The following ITSN2 variants were observed in gnomAD, a reference collection of about 807,000 sequenced individuals.
The protein encoded by ITSN2 is intersectin-2.
ITSN2 carries 156 observed loss-of-function variants against 243.7 expected under a neutral mutation model. The ratio of observed to expected loss-of-function variants is 0.64; its 90% CI spans 0.56 to 0.73. The LOEUF is 0.73. Among genes scored for constraint, ITSN2 ranks in the 30% least tolerant of loss-of-function variants. ITSN2 has a pLI of 0.00. For synonymous variants in ITSN2, 703 were observed against 699.9 expected, an observed-to-expected ratio of 1.00 and a Z score of -0.07; for missense variants, 1,801 against 1,996.1, an observed-to-expected ratio of 0.90 and a Z score of 1.86.
At position 24,257,971 on chromosome 2, in the gene ITSN2, C is replaced by A. The variant is rs376802389; in HGVS notation, c.2805G>T (p.Trp935Cys). The A allele has an allele frequency of 1.9e-6, 3 of 1,613,980 alleles. No individual in the cohort carries two copies. The highest frequency in any genetic ancestry group is 2.5e-6 in the Non-Finnish European group (3 of 1,179,998). The stretch of plus-strand genomic sequence containing the variant: ...CTCTTCCTCCATGCACCTCCCCAAA[C>A]CACCAATTTTCTTGCTGCTCCAAGA... ...ITVLEQQENW[W>C]FGEVHGGRGW... Residue 935 changes from tryptophan to cysteine, a missense_variant, in exon 23 of 40, where the codon TGG (tryptophan) becomes TGT (cysteine). By Grantham distance (215) the Trp-to-Cys change is radical. This residue lies in a region of ITSN2 where 928 missense variants were observed against 1,065.4 expected (regional missense o/e 0.87). Coordinates refer to ENST00000355123, the MANE Select transcript of ITSN2 (RefSeq NM_006277.3).
intron 27 of ITSN2, among the ~76,000 whole-genome samples, chr2:24,248,062 T>C (rs928278438): frequency 1.3e-5 from 2 of 152,276 alleles, no homozygotes; most frequent in Admixed American, 1.3e-4. Flanking sequence ...ATCCCTAAAA[T>C]GCTTTTTAGT....
chr2:24,230,768 C>CA (rs974557627), intron 29 of ITSN2, among the ~76,000 whole-genome samples: 3 of 151,226 alleles, frequency 2.0e-5, no homozygotes, highest in South Asian at 2.1e-4. Flanking sequence ...AACTCCATCT[C>CA]AAAAAAAAGA....
chr2:24,315,107 A>C, intron 3 of ITSN2, 25 bp downstream of exon 3: 1 of 1,294,370 alleles, frequency 7.7e-7, no homozygotes, highest in Non-Finnish European at 1.1e-6. Context: ...ATAATTCACT[A>C]ATAAAACTAA....
Position 24,204,139 on chromosome 2 carries a change from C to T in ITSN2, c.4936+106G>A, listed in dbSNP as rs951163717. The T allele has an allele frequency of 2.6e-6, 3 of 1,139,332 alleles. No individual in the cohort carries two copies. The highest frequency in any genetic ancestry group is 1.5e-5 in the African/African-American group (1 of 64,584). 70.6% of individuals were successfully genotyped at this position (1,139,332 alleles called of 1,614,324 possible). A position where few individuals can be genotyped will look rare whatever the true frequency, so the allele number is the denominator to read the frequency against. On this transcript the variant is annotated intron_variant, in intron 39 of 39. Coordinates refer to ENST00000355123, the MANE Select transcript of ITSN2 (RefSeq NM_006277.3). The surrounding 1 kb of genome is among the most constrained non-coding windows in gnomAD (Gnocchi z 5.1). Reference sequence around the variant, plus strand: ...GAGATGACACAGGCCTGTGTCACTTCCCTGAAGTGGCATGGGGTCTGCACA... The same window carrying T: ...GAGATGACACAGGCCTGTGTCACTTTCCTGAAGTGGCATGGGGTCTGCACA...
intron 20 of ITSN2, among the ~76,000 whole-genome samples, chr2:24,264,697 T>C (rs960946319): frequency 4.0e-5 from 2 of 49,970 alleles, no homozygotes; most frequent in Non-Finnish European, 9.4e-5. Context: ...CTGTTGTTTA[T>C]ACACACACAC....
chr2:24,212,654 C>A lies in ITSN2; in HGVS notation c.4085G>T (p.Arg1362Ile). The part of the protein sequence containing the change: ...QRITRYPLLI[R>I]SILENTPESH... ...CTGCCCGGCCTGCACACTCACACTT[C>A]TGATGAGCAGTGGGTAGCGGGTGAT... Residue 1362 changes from arginine to isoleucine, a missense_variant, in exon 33 of 40, where the codon AGA (arginine) becomes ATA (isoleucine). Transcript: ENST00000355123. 6.2e-7 allele frequency: 1 copy of A among 1,608,578 alleles called. No homozygotes were observed. The highest frequency in any genetic ancestry group is 8.5e-7 in the Non-Finnish European group (1 of 1,177,246).
chr2:24,317,017 T>C (rs1684006965), intron 2 of ITSN2, among the ~76,000 whole-genome samples: 1 of 152,216 alleles, frequency 6.6e-6, no homozygotes, highest in Non-Finnish European at 1.5e-5. Context: ...AAAGCCTTGT[T>C]TGTCAAATAG....
rs76261458 is a variant in ITSN2 at position 24,288,154 on chromosome 2, G to A, written c.1724-1803C>T. ...CAATGTTTTCTTCTAGGAGTTTTAC[G>A]GTTTCATGTCTTATGTTTAATCCAT... On this transcript the variant is annotated intron_variant, in intron 15 of 39. Transcript: ENST00000355123. Among the ~76,000 whole-genome samples, 429 of 152,094 alleles carry A rather than the reference G, an allele frequency of 2.8e-3. 3 individuals carry two copies. The highest frequency in any genetic ancestry group is 9.9e-3 in the African/African-American group (412 of 41,524).
chr2:24,220,434 T>A (rs1387736905), intron 30 of ITSN2: 1 of 986,664 alleles, frequency 1.0e-6, no homozygotes, highest in African/African-American at 1.7e-5. Flanking sequence ...AAACAGTAGC[T>A]ATATGATATT....
At chr2:24,340,734 C>G (rs190152527) in intron 1 of ITSN2, among the ~76,000 whole-genome samples, 9 of 151,558 alleles carry the variant, frequency 5.9e-5, no homozygotes, top group African/African-American at 2.2e-4. Flanking sequence ...ATCCTGTGTT[C>G]TCAAAAAAGG....
intron 30 of ITSN2, 102 bp downstream of exon 30, chr2:24,220,843 C>T (rs1573899537): frequency 6.8e-7 from 1 of 1,469,810 alleles, no homozygotes; most frequent in African/African-American, 1.5e-5. Context: ...AAAGTGATGC[C>T]TTGCTTTGAC....
At chr2:24,314,744 A>G (rs914914936) in intron 3 of ITSN2, among the ~76,000 whole-genome samples, 3 of 152,224 alleles carry the variant, frequency 2.0e-5, no homozygotes, top group African/African-American at 7.2e-5. Context: ...ATCAACAATC[A>G]GTGCTTGGTG....
intron 29 of ITSN2, among the ~76,000 whole-genome samples, chr2:24,232,439 C>T (rs996370025): frequency 1.3e-5 from 2 of 152,172 alleles, no homozygotes; most frequent in Admixed American, 1.3e-4. Context: ...AAAGCGCAGA[C>T]CTGGCCCCAG....
chr2:24,358,362 T>A (rs1012937291), intron 1 of ITSN2, among the ~76,000 whole-genome samples: 2 of 152,254 alleles, frequency 1.3e-5, no homozygotes, highest in African/African-American at 4.8e-5. Context: ...ACATTTCACT[T>A]ACCTTTTTGA....
At chr2:24,340,350 A>G (rs1686912279) in intron 1 of ITSN2, among the ~76,000 whole-genome samples, 1 of 152,026 alleles carries the variant, frequency 6.6e-6, no homozygotes, top group Non-Finnish European at 1.5e-5. Flanking sequence ...GCATGGTGGC[A>G]CACGCTTGTA....
chr2:24,245,263 T>TTGAATGAAAC (rs1673201945), intron 29 of ITSN2, among the ~76,000 whole-genome samples: 2 of 151,932 alleles, frequency 1.3e-5, no homozygotes, highest in Non-Finnish European at 2.9e-5. Context: ...AATAATGAAA[T>TTGAATGAAAC]AGACCTTGAT....
At chr2:24,244,031 C>T (rs377646948) in intron 29 of ITSN2, among the ~76,000 whole-genome samples, 2 of 152,148 alleles carry the variant, frequency 1.3e-5, no homozygotes, top group African/African-American at 4.8e-5. Context: ...CAACTACAGG[C>T]AGACTAAGGC....
chr2:24,289,253 G>A (rs1679935189), intron 15 of ITSN2, among the ~76,000 whole-genome samples: 2 of 152,178 alleles, frequency 1.3e-5, no homozygotes, highest in South Asian at 4.1e-4. Flanking sequence ...TGAACATGGA[G>A]TATCTTTCCA....
intron 1 of ITSN2, among the ~76,000 whole-genome samples, chr2:24,356,329 G>A (rs1688440223): frequency 7.5e-6 from 1 of 133,524 alleles, no homozygotes. Flanking sequence ...CTGGGAGACA[G>A]AGCAAGACCC....
Sources: allele counts gnomAD v4.1 joint callset (sites outside exome capture counted in the v4.1 genomes callset), GRCh38; gene constraint gnomAD v4.1.1; regional missense constraint gnomAD v4.1.1; non-coding constraint Gnocchi (gnomAD v3.1); transcripts MANE v1.5; gene names NCBI Gene and HGNC (gene_info 2026-07-23, HGNC 2026-07-21).